RNF13: variants seen among roughly 807,000 people sequenced by gnomAD.
RNF13 encodes the protein ring finger protein 13, also known as E3 ubiquitin-protein ligase RNF13.
A neutral mutation model predicts 37.7 loss-of-function variants in RNF13; 19 were observed. The observed-to-expected ratio is 0.50, with a 90% CI of 0.35 to 0.74. The LOEUF is 0.74. RNF13 is among the 30% of genes least tolerant of loss of function. The pLI is 0.01. For missense variants in RNF13, 375 were observed against 453.0 expected, an observed-to-expected ratio of 0.83 and a Z score of 1.56; for synonymous variants, 144 against 157.8, an observed-to-expected ratio of 0.91 and a Z score of 0.65.
chr3:149,860,270 A>AAAAAATATATATAT (rs1302318768), intron 3 of RNF13, among the ~76,000 whole-genome samples: 1 of 104,114 alleles, frequency 9.6e-6, no homozygotes, highest in African/African-American at 4.2e-5. Flanking sequence ...AAAAAAAAAA[A>AAAAAATATATATAT]ATATATATAT....
chr3:149,821,048 A>G (rs2108313589), intron 1 of RNF13, among the ~76,000 whole-genome samples: 1 of 152,160 alleles, frequency 6.6e-6, no homozygotes, highest in South Asian at 2.1e-4. Context: ...TCTATATATC[A>G]GTTTGTTTAT....
At chr3:149,858,577 CT>C (rs2108406564) in intron 3 of RNF13, among the ~76,000 whole-genome samples, 1 of 152,272 alleles carries the variant, frequency 6.6e-6, no homozygotes, top group South Asian at 2.1e-4. Flanking sequence ...AGCAACACAG[CT>C]TTTGGGCTAG....
chr3:149,958,827 A>G (rs1722111731), intron 8 of RNF13, among the ~76,000 whole-genome samples: 1 of 152,228 alleles, frequency 6.6e-6, no homozygotes, highest in African/African-American at 2.4e-5. Flanking sequence ...ACATGTACAT[A>G]TGCATTTGTT....
intron 1 of RNF13, among the ~76,000 whole-genome samples, chr3:149,841,816 G>A (rs1166832971): frequency 6.6e-6 from 1 of 152,050 alleles, no homozygotes; most frequent in South Asian, 2.1e-4. Flanking sequence ...TTTTAGTAGA[G>A]ACGGGGTTTC....
At chr3:149,918,839 AT>A (rs969567981) in intron 7 of RNF13, among the ~76,000 whole-genome samples, 2 of 151,358 alleles carry the variant, frequency 1.3e-5, no homozygotes, top group Non-Finnish European at 2.9e-5. Context: ...CTATCCCTTT[AT>A]TTTTTACTTT....
intron 1 of RNF13, among the ~76,000 whole-genome samples, chr3:149,831,661 C>T (rs1721069218): frequency 6.6e-6 from 1 of 152,046 alleles, no homozygotes; most frequent in African/African-American, 2.4e-5. Flanking sequence ...TGAGTTAATG[C>T]TGAAATGAAT....
chr3:149,953,814 G>A (rs1336997644), intron 8 of RNF13, among the ~76,000 whole-genome samples: 3 of 152,196 alleles, frequency 2.0e-5, no homozygotes, highest in African/African-American at 7.2e-5. Flanking sequence ...TAATTCACAA[G>A]GTGTGTGGTG....
At chr3:149,953,192 T>G (rs554723719) in intron 8 of RNF13, among the ~76,000 whole-genome samples, 60 of 152,326 alleles carry the variant, frequency 3.9e-4, no homozygotes, top group Admixed American at 1.1e-3. Context: ...GGGTTTTAAC[T>G]TAAATGGATT....
chr3:149,907,407 TA>T (rs1716537026), intron 6 of RNF13, among the ~76,000 whole-genome samples: 1 of 152,220 alleles, frequency 6.6e-6, no homozygotes, highest in Admixed American at 6.5e-5. Flanking sequence ...ATTATTGTTT[TA>T]TTGTACTTTA....
chr3:149,953,330 C>T (rs1208392740), intron 8 of RNF13, among the ~76,000 whole-genome samples: 1 of 152,184 alleles, frequency 6.6e-6, no homozygotes, highest in African/African-American at 2.4e-5. Context: ...TGTTTTAGCG[C>T]AGGCACTATC....
chr3:149,921,205 TCC>T lies in RNF13; in HGVS notation c.679_680del (p.Pro227CysfsTer3). The T allele has an allele frequency of 7.1e-7, 1 of 1,411,968 alleles. No homozygotes were observed. 87.5% of individuals were successfully genotyped at this position (1,411,968 alleles called of 1,614,324 possible). A position where few individuals can be genotyped will look rare whatever the true frequency, so the allele number is the denominator to read the frequency against. ...RLRKDQLKKLPVHKFKKGDEY... is the reference protein window; with the variant it reads ...RLRKDQLKKLXVHKFKKGDEY... The stretch of plus-strand genomic sequence containing the variant: ...TTCGTAAAGATCAACTTAAGAAACT[TCC>T]TGTACATAAATTCAAGAAAGGTAAG... On this transcript the variant is annotated frameshift_variant, in exon 8 of 10. Transcript: ENST00000392894. LOFTEE classifies it high-confidence loss of function.
chr3:149,899,846 A>T (rs1214531911), intron 5 of RNF13, among the ~76,000 whole-genome samples: 1 of 152,222 alleles, frequency 6.6e-6, no homozygotes, highest in South Asian at 2.1e-4. Flanking sequence ...GAGAAAAGAG[A>T]CATTCAGAGT....
At chr3:149,929,350 G>T (rs9876226) in intron 8 of RNF13, among the ~76,000 whole-genome samples, 1 of 151,870 alleles carries the variant, frequency 6.6e-6, no homozygotes, top group African/African-American at 2.4e-5. Flanking sequence ...TGACAATAGC[G>T]TGGGGGAAAC....
At chr3:149,916,775 TTAAAA>T (rs1200957104) in intron 7 of RNF13, among the ~76,000 whole-genome samples, 1 of 152,114 alleles carries the variant, frequency 6.6e-6, no homozygotes, top group Non-Finnish European at 1.5e-5. Flanking sequence ...GACTAAAAAC[TTAAAA>T]TAAACATTAT....
chr3:149,922,432 GAGA>G (rs1718235203), intron 8 of RNF13, among the ~76,000 whole-genome samples: 1 of 152,206 alleles, frequency 6.6e-6, no homozygotes, highest in African/African-American at 2.4e-5. Flanking sequence ...GTGAAAGCAG[GAGA>G]AGGATGCACA....
At chr3:149,902,516 T>G (rs1715949596) in intron 6 of RNF13, among the ~76,000 whole-genome samples, 1 of 152,048 alleles carries the variant, frequency 6.6e-6, no homozygotes, top group African/African-American at 2.4e-5. Context: ...AAAAAGATAT[T>G]TTATATATTA....
intron 4 of RNF13, among the ~76,000 whole-genome samples, chr3:149,884,881 C>T (rs1240524123): frequency 6.6e-6 from 1 of 150,724 alleles, no homozygotes; most frequent in African/African-American, 2.4e-5. Context: ...TTTTTTGTAC[C>T]CATTAACCAT....
At chr3:149,905,047 A>G (rs1716252915) in intron 6 of RNF13, among the ~76,000 whole-genome samples, 1 of 152,208 alleles carries the variant, frequency 6.6e-6, no homozygotes, top group South Asian at 2.1e-4. Context: ...AATTATAAAT[A>G]CTGCTGTAAT....
At chr3:149,872,979 A>T (rs1188698455) in intron 4 of RNF13, among the ~76,000 whole-genome samples, 1 of 152,228 alleles carries the variant, frequency 6.6e-6, no homozygotes, top group Non-Finnish European at 1.5e-5. Flanking sequence ...TTACTACTTT[A>T]TGTTAGTTCC....
Sources: allele counts gnomAD v4.1 joint callset (sites outside exome capture counted in the v4.1 genomes callset), GRCh38; gene constraint gnomAD v4.1.1; transcripts MANE v1.5; gene names NCBI Gene and HGNC (gene_info 2026-07-23, HGNC 2026-07-21).